Variants in LUZP2 observed in about 807,000 individuals in gnomAD.
LUZP2 encodes the protein leucine zipper protein 2.
LUZP2 carries 52 observed loss-of-function variants against 51.6 expected under a neutral mutation model. The observed-to-expected ratio is 1.01, with a 90% CI of 0.81 to 1.27. The LOEUF (loss-of-function observed/expected upper bound fraction) is 1.27, where lower values mean the gene tolerates loss of function less well. Among genes scored for constraint, LUZP2 ranks in the 50% most tolerant of loss-of-function variants. The pLI, the probability that LUZP2 is intolerant of heterozygous loss-of-function variation, is 0.00. For missense variants in LUZP2, 436 were observed against 395.4 expected, an observed-to-expected ratio of 1.10 and a Z score of -0.87; for synonymous variants, 154 against 137.3, an observed-to-expected ratio of 1.12 and a Z score of -0.85.
chr11:25,050,158 A>G, intron 10 of LUZP2, 28 bp downstream of exon 10: 1 of 1,378,876 alleles, frequency 7.3e-7, no homozygotes, highest in Non-Finnish European at 1.0e-6. Flanking sequence ...TGCTTTTTAC[A>G]GTATTAGACA....
intron 1 of LUZP2, among the ~76,000 whole-genome samples, chr11:24,538,379 T>C (rs1426834138): frequency 6.6e-6 from 1 of 151,700 alleles, no homozygotes; most frequent in Non-Finnish European, 1.5e-5. Flanking sequence ...TGGAAATAAA[T>C]CTTCATGACC....
intron 1 of LUZP2, among the ~76,000 whole-genome samples, chr11:24,682,195 G>T (rs1208936534): frequency 6.6e-6 from 1 of 151,962 alleles, no homozygotes; most frequent in Non-Finnish European, 1.5e-5. Flanking sequence ...TACATTATAT[G>T]TTAAAAGAGT....
At chr11:24,693,130 T>A (rs1255088843) in intron 1 of LUZP2, among the ~76,000 whole-genome samples, 1 of 151,898 alleles carries the variant, frequency 6.6e-6, no homozygotes, top group Non-Finnish European at 1.5e-5. Context: ...ATTGTTTGAT[T>A]TTTACAGTTT....
intron 5 of LUZP2, among the ~76,000 whole-genome samples, chr11:24,890,275 T>C (rs1352186): frequency 0.96 from 146,142 of 152,276 alleles, 70,400 homozygotes; most frequent in East Asian, 1. Context: ...TATATGTAGT[T>C]ATCAAAATAA....
At chr11:24,608,645 C>A (rs940859951) in intron 1 of LUZP2, among the ~76,000 whole-genome samples, 2 of 152,088 alleles carry the variant, frequency 1.3e-5, no homozygotes, top group African/African-American at 4.8e-5. Context: ...GGGGAAATAA[C>A]CTGAATTGAG....
intron 5 of LUZP2, among the ~76,000 whole-genome samples, chr11:24,890,467 A>G (rs1012908874): frequency 2.3e-4 from 35 of 152,340 alleles, no homozygotes; most frequent in South Asian, 6.2e-4. Context: ...ATCACCATTT[A>G]AAACTAGTTA....
chr11:24,647,306 A>G (rs935938571), intron 1 of LUZP2, among the ~76,000 whole-genome samples: 2 of 151,952 alleles, frequency 1.3e-5, no homozygotes, highest in African/African-American at 4.8e-5. Flanking sequence ...TTGGTACAGA[A>G]TGTATTAATA....
intron 1 of LUZP2, among the ~76,000 whole-genome samples, chr11:24,636,557 T>C (rs1769764807): frequency 6.6e-6 from 1 of 152,178 alleles, no homozygotes; most frequent in African/African-American, 2.4e-5. Flanking sequence ...TGTTAAGTAC[T>C]TCAAACAATG....
rs567224218 is a variant in LUZP2, at chr11:24,998,541, C to T, written c.765+15248C>T. 2.6e-5 allele frequency among the ~76,000 whole-genome samples: 4 copies of T among 152,016 alleles called. No individual in the cohort carries two copies. In the East Asian group the frequency reaches 7.7e-4, roughly 29 times the overall value. ...TTGGGTGAGACAATGGGGTTTTTCT[C>T]GTCTTGTGGAGTTCCACGTATTTCT... On this transcript the variant is annotated intron_variant, in intron 9 of 11. Coordinates refer to ENST00000336930, the MANE Select transcript of LUZP2 (RefSeq NM_001009909.4).
chr11:25,070,372 G>A (rs1296817779), intron 10 of LUZP2, among the ~76,000 whole-genome samples: 1 of 151,778 alleles, frequency 6.6e-6, no homozygotes, highest in Non-Finnish European at 1.5e-5. Flanking sequence ...CAAAGCAAAG[G>A]CAAAGCAAAG....
chr11:25,008,151 C>G (rs993583424), intron 9 of LUZP2, among the ~76,000 whole-genome samples: 1 of 152,194 alleles, frequency 6.6e-6, no homozygotes, highest in Non-Finnish European at 1.5e-5. Context: ...TCTGCCCACT[C>G]GGCCTATTGG....
chr11:24,873,024 T>C (rs1852131616), intron 5 of LUZP2, among the ~76,000 whole-genome samples: 2 of 152,158 alleles, frequency 1.3e-5, no homozygotes, highest in Admixed American at 6.6e-5. Context: ...AGAAAAAAAT[T>C]TTCTCTTGTT....
intron 1 of LUZP2, among the ~76,000 whole-genome samples, chr11:24,586,583 T>G (rs1288655783): frequency 2.6e-5 from 4 of 152,094 alleles, no homozygotes; most frequent in Non-Finnish European, 5.9e-5. Context: ...TACATTTTAA[T>G]AAAATAAATC....
At chr11:24,774,197 A>G in intron 5 of LUZP2, among the ~76,000 whole-genome samples, 1 of 151,492 alleles carries the variant, frequency 6.6e-6, no homozygotes, top group East Asian at 2.0e-4. Context: ...CCTGTGCTGG[A>G]TGCTTCCTGC....
intron 1 of LUZP2, among the ~76,000 whole-genome samples, chr11:24,665,993 A>C (rs1405330821): frequency 1.3e-5 from 2 of 152,142 alleles, no homozygotes; most frequent in African/African-American, 4.8e-5. Context: ...TTTTAGACAG[A>C]TCTCTGAGTG....
At chr11:24,769,592 C>G (rs1279445428) in intron 5 of LUZP2, among the ~76,000 whole-genome samples, 2 of 151,626 alleles carry the variant, frequency 1.3e-5, no homozygotes, top group African/African-American at 4.9e-5. Flanking sequence ...ATGAAAAACA[C>G]ATTCTGTCTT....
chr11:24,603,238 A>G (rs1456204109), intron 1 of LUZP2, among the ~76,000 whole-genome samples: 2 of 151,788 alleles, frequency 1.3e-5, no homozygotes, highest in Non-Finnish European at 3.0e-5. Context: ...TTCAAGAGTA[A>G]GATTTTCCAT....
rs545217809 is a variant in LUZP2 at position 24,758,026 on chromosome 11, AAAAT to A, written c.334-5213_334-5210del. Reference sequence around the variant, plus strand: ...CCTAATAAATGCAAGTATTTTGTGGAAAATAAATAACTCTCATCTCGTTATGTGA... The same window carrying A: ...CCTAATAAATGCAAGTATTTTGTGGAAAATAACTCTCATCTCGTTATGTGA... On this transcript the variant is annotated intron_variant, in intron 4 of 11. Transcript: ENST00000336930. Among the ~76,000 whole-genome samples, 7 of 152,242 alleles carry A rather than the reference AAAAT, an allele frequency of 4.6e-5. No homozygotes were observed. The East Asian group carries it at 1.3e-3, about 29-fold the overall frequency.
At chr11:24,580,495 T>C (rs1316287446) in intron 1 of LUZP2, among the ~76,000 whole-genome samples, 3 of 152,114 alleles carry the variant, frequency 2.0e-5, no homozygotes, top group African/African-American at 4.8e-5. Flanking sequence ...TAGCATAGCG[T>C]CAACCTAAAT....
Sources: allele counts gnomAD v4.1 joint callset (sites outside exome capture counted in the v4.1 genomes callset), GRCh38; gene constraint gnomAD v4.1.1; transcripts MANE v1.5; gene names NCBI Gene and HGNC (gene_info 2026-07-23, HGNC 2026-07-21).